The following RLF variants were observed in gnomAD, a reference collection of about 807,000 sequenced individuals.
RLF encodes RLF zinc finger.
A neutral mutation model predicts 162.9 loss-of-function variants in RLF; 7 were observed. The observed-to-expected ratio is 0.04, with a 90% CI of 0.02 to 0.08. The LOEUF (loss-of-function observed/expected upper bound fraction) is 0.08. RLF is among the 10% of genes least tolerant of loss of function. RLF has a pLI of 1.00. For synonymous variants in RLF, 782 were observed against 791.5 expected, an observed-to-expected ratio of 0.99 and a Z score of 0.20; for missense variants, 1,664 against 2,244.7, an observed-to-expected ratio of 0.74 and a Z score of 5.23.
At chr1:40,185,843 C>CAAAA (rs33982008) in intron 1 of RLF, among the ~76,000 whole-genome samples, 13 of 67,544 alleles carry the variant, frequency 1.9e-4, no homozygotes, top group Middle Eastern at 0.017. Context: ...AAAAAAAAAG[C>CAAAA]AAAAAAAAAA....
chr1:40,211,828 A>C (rs187234762), intron 5 of RLF, among the ~76,000 whole-genome samples: 17 of 152,088 alleles, frequency 1.1e-4, no homozygotes, highest in Admixed American at 9.8e-4. Flanking sequence ...CACCGTTTCT[A>C]CTGGTGACCA....
intron 7 of RLF, among the ~76,000 whole-genome samples, chr1:40,232,258 G>T (rs1361608179): frequency 6.7e-6 from 1 of 149,442 alleles, no homozygotes; most frequent in Non-Finnish European, 1.5e-5. Flanking sequence ...TATAGAACTT[G>T]CCTGTTTAAA....
intron 4 of RLF, among the ~76,000 whole-genome samples, chr1:40,197,583 T>C (rs556127300): frequency 6.6e-6 from 1 of 152,250 alleles, no homozygotes; most frequent in East Asian, 1.9e-4. Context: ...TAACAGTAAT[T>C]AATCATTTTT....
At chr1:40,190,273 TAGTC>T (rs759053122) in intron 2 of RLF, among the ~76,000 whole-genome samples, 3 of 152,236 alleles carry the variant, frequency 2.0e-5, no homozygotes, top group Non-Finnish European at 4.4e-5. Context: ...TTCTGGATAA[TAGTC>T]AGAAAAAGGA....
intron 5 of RLF, among the ~76,000 whole-genome samples, chr1:40,214,918 C>CA (rs34756935): frequency 0.2 from 2,924 of 14,316 alleles, 901 homozygotes; most frequent in Non-Finnish European, 0.25. Flanking sequence ...GAGCCTGTCT[C>CA]AAAAAAAAAA....
At chr1:40,180,157 C>T (rs1220748920) in intron 1 of RLF, among the ~76,000 whole-genome samples, 1 of 152,162 alleles carries the variant, frequency 6.6e-6, no homozygotes, top group East Asian at 1.9e-4. Flanking sequence ...GAGGAACCAC[C>T]ATACCATTTT....
intron 5 of RLF, among the ~76,000 whole-genome samples, chr1:40,219,794 TGTTA>T (rs1346226628): frequency 6.6e-6 from 1 of 152,236 alleles, no homozygotes; most frequent in African/African-American, 2.4e-5. Flanking sequence ...ATTAAAAGAA[TGTTA>T]GTATTTGCTG....
At chr1:40,162,319 G>A (rs1412987473) in intron 1 of RLF, among the ~76,000 whole-genome samples, 3 of 151,748 alleles carry the variant, frequency 2.0e-5, no homozygotes, top group Non-Finnish European at 4.4e-5. Flanking sequence ...GCCTCTTTTG[G>A]CAGTCGTATG....
intron 6 of RLF, among the ~76,000 whole-genome samples, chr1:40,224,708 G>C (rs1028917150): frequency 8.5e-6 from 1 of 117,718 alleles, no homozygotes; most frequent in Non-Finnish European, 1.6e-5. Flanking sequence ...ATTGAATTTT[G>C]GCCAGGCATG....
In RLF at chr1:40,237,597, C is replaced by T. The variant is rs181404418; in HGVS notation, c.2895C>T (p.Tyr965=). The change falls in exon 8 of 8, where the codon TAC becomes TAT. Residue 965 remains tyrosine, a synonymous_variant. Coordinates refer to ENST00000372771, the MANE Select transcript of RLF (RefSeq NM_012421.4). This position sits in a 1 kb window ranked among gnomAD's most constrained non-coding sequence, Gnocchi z 4.4. ...GTTTTGATGGCTGTGGTTCCACATA[C>T]AAAAATGCAAGAGGAATGCAGAAAC... ...TCGFDGCGST[Y]KNARGMQKHL... 1.2e-6 allele frequency: 2 copies of T among 1,614,032 alleles called. No individual in the cohort carries two copies. Among genetic ancestry groups the T allele is most frequent in the African/African-American group, 2.7e-5 (2 of 75,012 alleles).
chr1:40,191,521 G>A (rs1015804248), intron 3 of RLF, among the ~76,000 whole-genome samples: 2 of 149,384 alleles, frequency 1.3e-5, no homozygotes, highest in South Asian at 4.2e-4. Context: ...CTGAGCAACA[G>A]AGTGAGACTC....
chr1:40,214,942 A>G (rs1450569831), intron 5 of RLF, among the ~76,000 whole-genome samples: 19 of 147,492 alleles, frequency 1.3e-4, no homozygotes, highest in Non-Finnish European at 1.8e-4. Context: ...AAAAAAAAAA[A>G]AAACTAAAGT....
At chr1:40,233,356 T>G (rs1487231964) in intron 7 of RLF, among the ~76,000 whole-genome samples, 2 of 152,208 alleles carry the variant, frequency 1.3e-5, no homozygotes, top group Non-Finnish European at 2.9e-5. Flanking sequence ...TTTTCAAATG[T>G]TACCATCCCA....
At chr1:40,198,033 C>T (rs1030581052) in intron 4 of RLF, among the ~76,000 whole-genome samples, 8 of 151,824 alleles carry the variant, frequency 5.3e-5, no homozygotes, top group Non-Finnish European at 1.0e-4. Context: ...AATGGAGTTT[C>T]GCTCTTATTA....
chr1:40,208,465 A>G (rs1642825075), intron 5 of RLF, among the ~76,000 whole-genome samples: 1 of 152,228 alleles, frequency 6.6e-6, no homozygotes, highest in Non-Finnish European at 1.5e-5. Context: ...TCACTTGTCT[A>G]TTCCAAGCAC....
At chr1:40,189,237 A>G in intron 2 of RLF, 28 bp downstream of exon 2, 1 of 1,589,940 alleles carries the variant, frequency 6.3e-7, no homozygotes. Context: ...AATCACTCTT[A>G]AAATTGAGTA....
At chr1:40,177,812 A>G (rs1642348068) in intron 1 of RLF, 2 of 152,160 alleles carry the variant, frequency 1.3e-5, no homozygotes, top group Non-Finnish European at 2.9e-5. Flanking sequence ...ATATAGATAT[A>G]GGTATATCTA....
chr1:40,194,005 C>T (rs1443546368), intron 3 of RLF, among the ~76,000 whole-genome samples: 1 of 152,122 alleles, frequency 6.6e-6, no homozygotes, highest in Non-Finnish European at 1.5e-5. Context: ...TGGGAACAAG[C>T]TCACCATAAT....
intron 1 of RLF, among the ~76,000 whole-genome samples, chr1:40,169,491 C>T (rs1642210258): frequency 1.3e-5 from 2 of 150,730 alleles, no homozygotes; most frequent in South Asian, 2.1e-4. Flanking sequence ...TGGCGGGCGC[C>T]TGTGGTCCCA....
Sources: allele counts gnomAD v4.1 joint callset (sites outside exome capture counted in the v4.1 genomes callset), GRCh38; gene constraint gnomAD v4.1.1; non-coding constraint Gnocchi (gnomAD v3.1); transcripts MANE v1.5; gene names NCBI Gene and HGNC (gene_info 2026-07-23, HGNC 2026-07-21).